The following HARBI1 variants were observed in gnomAD, a reference collection of about 807,000 sequenced individuals.
The protein encoded by HARBI1 is putative nuclease HARBI1.
A neutral mutation model predicts 25.3 loss-of-function variants in HARBI1; 15 were observed. The observed-to-expected ratio is 0.59, with a 90% CI of 0.40 to 0.91. HARBI1 has a LOEUF of 0.91. Among genes scored for constraint, HARBI1 ranks in the 40% least tolerant of loss-of-function variants. HARBI1 has a pLI of 0.00. For synonymous variants in HARBI1, 168 were observed against 160.5 expected (o/e 1.05, Z -0.35); for missense variants, 396 against 445.8 (o/e 0.89, Z 1.01).
chr11:46,617,156 TC>T lies in HARBI1; in HGVS notation c.-178del. 2 of 276,072 alleles carry T rather than the reference TC, an allele frequency of 7.2e-6. No individual in the cohort carries two copies. Among genetic ancestry groups the T allele is most frequent in the Non-Finnish European group, 1.1e-5 (2 of 181,450 alleles). 17.1% of individuals were successfully genotyped at this position (276,072 alleles called of 1,614,324 possible). ...CGGCTGCCAGGTTACCAGCCACACT[TC>T]CCACCCACCCAGCCGGGTTGGGCCC... On this transcript the variant is annotated 5_prime_UTR_variant, in exon 1 of 3. Transcript: ENST00000326737.
chr11:46,617,786 G>A, upstream of HARBI1: 1 of 399,264 alleles, frequency 2.5e-6, no homozygotes, highest in Non-Finnish European at 4.4e-6. Flanking sequence ...GGTCACTGCA[G>A]CTCCGGAGCG....
rs1398559458 is a variant in HARBI1, at chr11:46,615,999, TAAAA to T, written c.235_238del (p.Phe79IlefsTer21). ...CCGAGTCTGGAAGGAACCTGAGGTA[TAAAA>T]ACCCAATGCTGCAAGGACCTGTGTC... On this transcript the variant is annotated frameshift_variant, in exon 2 of 3. Transcript: ENST00000326737. LOFTEE classifies it high-confidence loss of function. The T allele has an allele frequency of 6.2e-7, 1 of 1,614,058 alleles. No individual in the cohort carries two copies. Among genetic ancestry groups the T allele is most frequent in the Non-Finnish European group, 8.5e-7 (1 of 1,180,044 alleles).
intron 2 of HARBI1, among the ~76,000 whole-genome samples, chr11:46,609,590 CAGACGTGAG>C (rs151070998): frequency 6.6e-6 from 1 of 152,168 alleles, no homozygotes; most frequent in East Asian, 1.9e-4. Flanking sequence ...AAGTGATCCA[CAGACGTGAG>C]CCACCACGCC....
At chr11:46,617,537 T>TTC, upstream of HARBI1, 1 of 205,622 alleles carries the variant, frequency 4.9e-6, no homozygotes, top group African/African-American at 3.7e-5. Flanking sequence ...GTAGCCCTCT[T>TTC]TCACCCCCCC....
Position 46,615,611 on chromosome 11 carries a change from A to T in HARBI1, c.627T>A (p.Ser209Arg). The T allele has an allele frequency of 6.2e-7, 1 of 1,614,162 alleles. No individual in the cohort carries two copies. Among genetic ancestry groups the T allele is most frequent in the South Asian group, 1.1e-5 (1 of 91,080 alleles). Reference protein sequence around the residue: ...DCAVLQQSSLSSQFEAGMHKD... With the variant: ...DCAVLQQSSLRSQFEAGMHKD... ...TGTGCATACCCGCTTCAAACTGACT[A>T]CTGAGGGAAGACTGCTGCAGCACAG... Residue 209 changes from serine (S) to arginine (R), a missense_variant, in exon 2 of 3, where the codon AGT becomes AGA. Ser to Arg is a moderately radical substitution (Grantham distance 110, BLOSUM62 -1). Transcript: ENST00000326737.
chr11:46,604,507 A>C (rs994311281), intron 2 of HARBI1: 32 of 981,750 alleles, frequency 3.3e-5, no homozygotes, highest in Admixed American at 1.2e-4. Context: ...AATCTTCAAA[A>C]TCTCTACAGA....
chr11:46,614,446 T>A (rs1221365913), intron 2 of HARBI1, among the ~76,000 whole-genome samples: 1 of 151,526 alleles, frequency 6.6e-6, no homozygotes, highest in East Asian at 1.9e-4. Flanking sequence ...TAATAATAAT[T>A]TTTTTTTACG....
At chr11:46,613,488 T>TC (rs1471587277) in intron 2 of HARBI1, among the ~76,000 whole-genome samples, 2 of 148,280 alleles carry the variant, frequency 1.3e-5, no homozygotes, top group African/African-American at 5.0e-5. Context: ...GCTTTTTTTT[T>TC]TTTTTTTTTT....
intron 2 of HARBI1, among the ~76,000 whole-genome samples, chr11:46,606,091 G>A (rs2044937083): frequency 6.6e-6 from 1 of 151,784 alleles, no homozygotes; most frequent in African/African-American, 2.4e-5. Flanking sequence ...TCACCATGCT[G>A]GCCAGGCTGG....
At chr11:46,609,850 AT>A (rs750558478) in intron 2 of HARBI1, among the ~76,000 whole-genome samples, 8,854 of 124,914 alleles carry the variant, frequency 0.071, 855 homozygotes, top group African/African-American at 0.24. Flanking sequence ...AAATAAAAGA[AT>A]TTTTTTTTTT....
Position 46,603,412 on chromosome 11 carries a change from AG to A in HARBI1, c.*117del. The A allele has an allele frequency of 1.1e-6, 1 of 896,512 alleles. No individual in the cohort carries two copies. The highest frequency in any genetic ancestry group is 1.7e-5 in the African/African-American group (1 of 59,940). The allele number at this position is 896,512 out of a possible 1,614,324, so 55.5% of individuals were successfully genotyped here. ...TACCAAAACACACATATTAAATGTC[AG>A]TTTATGACAAGTATCTGTATACTCA... On this transcript the variant is annotated 3_prime_UTR_variant, in exon 3 of 3. Coordinates refer to ENST00000326737, the MANE Select transcript of HARBI1 (RefSeq NM_173811.4).
intron 2 of HARBI1, among the ~76,000 whole-genome samples, chr11:46,612,324 C>G (rs555870018): frequency 1.3e-5 from 2 of 152,052 alleles, no homozygotes; most frequent in African/African-American, 4.8e-5. Flanking sequence ...TAATCCTTAA[C>G]GTAGCTTTCA....
chr11:46,609,825 A>G (rs1301189786), intron 2 of HARBI1, among the ~76,000 whole-genome samples: 1 of 149,224 alleles, frequency 6.7e-6, no homozygotes, highest in Admixed American at 6.7e-5. Context: ...AGACTCTACA[A>G]AAAAAAAAAT....
At chr11:46,611,682 G>T (rs1353684358) in intron 2 of HARBI1, among the ~76,000 whole-genome samples, 1 of 150,820 alleles carries the variant, frequency 6.6e-6, no homozygotes, top group Non-Finnish European at 1.5e-5. Flanking sequence ...CTGCACTCCA[G>T]CCTGGGTGAC....
chr11:46,612,669 ATT>A (rs1278987927), intron 2 of HARBI1, among the ~76,000 whole-genome samples: 23 of 139,850 alleles, frequency 1.6e-4, no homozygotes, highest in Admixed American at 1.5e-4. Context: ...TGCAAAAATA[ATT>A]TTTTTTTTTT....
intron 2 of HARBI1, among the ~76,000 whole-genome samples, chr11:46,613,633 C>G (rs1387148523): frequency 6.6e-6 from 1 of 151,914 alleles, no homozygotes; most frequent in Non-Finnish European, 1.5e-5. Flanking sequence ...TAGGCGCGCA[C>G]CACCATGCCC....
chr11:46,612,646 T>A (rs1456847593), intron 2 of HARBI1, among the ~76,000 whole-genome samples: 1 of 151,948 alleles, frequency 6.6e-6, no homozygotes, highest in Non-Finnish European at 1.5e-5. Flanking sequence ...GATATCACAG[T>A]GACAATCAAC....
chr11:46,605,587 C>CT (rs11333482), intron 2 of HARBI1, among the ~76,000 whole-genome samples: 4,110 of 90,284 alleles, frequency 0.046, 432 homozygotes, highest in African/African-American at 0.13. Flanking sequence ...CAGGTATAAC[C>CT]TTTTTTTTTT....
Position 46,603,248 on chromosome 11 carries a change from A to T in HARBI1, c.*282T>A, listed in dbSNP as rs1565343010. 2 of 267,118 alleles carry T rather than the reference A, an allele frequency of 7.5e-6. No individual in the cohort carries two copies. Among genetic ancestry groups the T allele is most frequent in the Non-Finnish European group, 1.4e-5 (2 of 141,446 alleles). The allele number at this position is 267,118 out of a possible 1,614,324, so 16.5% of individuals were successfully genotyped here. A position where few individuals can be genotyped will look rare whatever the true frequency, so the allele number is the denominator to read the frequency against. ...ACTATGACTTTGTAGGCACAGTCAT[A>T]AATGTTTGCAACCACTGAGCTTTCA... On this transcript the variant is annotated 3_prime_UTR_variant, in exon 3 of 3. Transcript: ENST00000326737.
Sources: allele counts gnomAD v4.1 joint callset (sites outside exome capture counted in the v4.1 genomes callset), GRCh38; gene constraint gnomAD v4.1.1; transcripts MANE v1.5; gene names NCBI Gene and HGNC (gene_info 2026-07-23, HGNC 2026-07-21).